The following ULK4 variants were observed in gnomAD, a reference collection of about 807,000 sequenced individuals.
ULK4 encodes inactive serine/threonine-protein kinase ULK4.
Under a neutral mutation model 160.6 loss-of-function variants are expected in ULK4, and 133 were observed. The observed-to-expected ratio is 0.83, with a 90% CI of 0.72 to 0.96. The LOEUF (loss-of-function observed/expected upper bound fraction) is 0.96. Ranked by LOEUF, ULK4 falls within the 40% of genes least tolerant of loss-of-function variation. The pLI is 0.00. For missense variants in ULK4, 1,580 were observed against 1,499.5 expected (o/e 1.05, Z -0.89); for synonymous variants, 534 against 539.8 (o/e 0.99, Z 0.15).
At chr3:41,609,014 C>T (rs1295336409) in intron 31 of ULK4, among the ~76,000 whole-genome samples, 1 of 152,146 alleles carries the variant, frequency 6.6e-6, no homozygotes, top group Non-Finnish European at 1.5e-5. Flanking sequence ...GTGAGCAGAA[C>T]ATAGAGCAGA....
chr3:41,574,696 C>T (rs1043858056), intron 31 of ULK4, among the ~76,000 whole-genome samples: 2 of 152,058 alleles, frequency 1.3e-5, no homozygotes, highest in African/African-American at 4.8e-5. Context: ...TGCCTGCCCA[C>T]CATGCCTGGC....
intron 17 of ULK4, among the ~76,000 whole-genome samples, chr3:41,841,457 G>A (rs534810892): frequency 3.3e-5 from 5 of 150,510 alleles, no homozygotes; most frequent in African/African-American, 1.2e-4. Flanking sequence ...CTGCCCGGCC[G>A]CCCCGTCTGG....
chr3:41,392,063 G>T (rs940725480), intron 35 of ULK4, among the ~76,000 whole-genome samples: 5 of 152,016 alleles, frequency 3.3e-5, no homozygotes, highest in African/African-American at 1.2e-4. Flanking sequence ...TTTGAGTGTT[G>T]GAGTAAGCTA....
At chr3:41,365,741 G>A (rs763278944) in intron 35 of ULK4, among the ~76,000 whole-genome samples, 44 of 151,940 alleles carry the variant, frequency 2.9e-4, no homozygotes, top group African/African-American at 6.0e-4. Context: ...TCACCATTAC[G>A]TTAAATGAGT....
At chr3:41,412,553 A>ATTTTTTTCTTTTTTTTTTTTTTTT (rs2082429333) in intron 34 of ULK4, among the ~76,000 whole-genome samples, 1 of 100,454 alleles carries the variant, frequency 1.0e-5, no homozygotes, top group African/African-American at 4.2e-5. Context: ...ATGCAGTTGA[A>ATTTTTTTCTTTTTTTTTTTTTTTT]TTTTTTTTTT....
At chr3:41,807,529 A>C (rs888579370) in intron 19 of ULK4, among the ~76,000 whole-genome samples, 3 of 152,286 alleles carry the variant, frequency 2.0e-5, no homozygotes, top group Admixed American at 2.0e-4. Context: ...CACTATTTTT[A>C]TCTCTTTGCC....
intron 32 of ULK4, among the ~76,000 whole-genome samples, chr3:41,555,233 A>G (rs181073593): frequency 2.6e-4 from 40 of 152,238 alleles, no homozygotes; most frequent in Middle Eastern, 6.8e-3. Flanking sequence ...ACTACTCAAT[A>G]AAAATGCAAA....
intron 21 of ULK4, among the ~76,000 whole-genome samples, chr3:41,758,714 A>C (rs554658312): frequency 6.6e-6 from 1 of 152,214 alleles, no homozygotes; most frequent in African/African-American, 2.4e-5. Flanking sequence ...TCTACCAAAA[A>C]TACAAAAAAT....
intron 20 of ULK4, among the ~76,000 whole-genome samples, chr3:41,791,357 T>C (rs1180709334): frequency 1.3e-5 from 2 of 152,198 alleles, no homozygotes; most frequent in Non-Finnish European, 2.9e-5. Flanking sequence ...CTCGAACTCC[T>C]GACCTCAGAT....
At chr3:41,393,032 A>C (rs2081988268) in intron 35 of ULK4, among the ~76,000 whole-genome samples, 1 of 152,172 alleles carries the variant, frequency 6.6e-6, no homozygotes, top group African/African-American at 2.4e-5. Context: ...TGTGTGGAGA[A>C]GACTGAAGCT....
At chr3:41,287,647 T>A (rs2079487311) in intron 35 of ULK4, among the ~76,000 whole-genome samples, 1 of 152,170 alleles carries the variant, frequency 6.6e-6, no homozygotes, top group African/African-American at 2.4e-5. Context: ...TCCGGGAGTT[T>A]GAGCACTCTT....
rs531936096 is a variant in ULK4 at position 41,584,396 on chromosome 3, A to AC, written c.3121-18267dup. On this transcript the variant is annotated intron_variant, in intron 31 of 36. Transcript: ENST00000301831. ...AACCTCCACCTCCCAAGCTCAAGTGACCCCCCTGCCTCAGCCTCCCAAGTA... is the reference window on the plus strand; with the variant it reads ...AACCTCCACCTCCCAAGCTCAAGTGACCCCCCCTGCCTCAGCCTCCCAAGTA... Among the ~76,000 whole-genome samples the AC allele has an allele frequency of 2.8e-3, 423 of 151,118 alleles. 4 individuals are homozygous for AC. Among genetic ancestry groups the AC allele is most frequent in the African/African-American group, 9.8e-3 (403 of 41,074 alleles).
At chr3:41,714,610 A>C (rs553660466) in intron 25 of ULK4, among the ~76,000 whole-genome samples, 1 of 152,222 alleles carries the variant, frequency 6.6e-6, no homozygotes, top group Non-Finnish European at 1.5e-5. Context: ...GAGCTAAACA[A>C]AAAGAATTTT....
At chr3:41,771,576 G>A (rs573831860) in intron 21 of ULK4, among the ~76,000 whole-genome samples, 5 of 152,146 alleles carry the variant, frequency 3.3e-5, no homozygotes, top group East Asian at 1.9e-4. Flanking sequence ...GAATATCTGT[G>A]AGATGTTACA....
chr3:41,886,564 T>C (rs1403904107), intron 16 of ULK4, among the ~76,000 whole-genome samples: 1 of 151,304 alleles, frequency 6.6e-6, no homozygotes, highest in Non-Finnish European at 1.5e-5. Flanking sequence ...ACAGAAGATA[T>C]AAAATGTGAA....
At chr3:41,465,843 G>GT (rs1225926245) in intron 32 of ULK4, among the ~76,000 whole-genome samples, 1 of 152,090 alleles carries the variant, frequency 6.6e-6, no homozygotes, top group Non-Finnish European at 1.5e-5. Context: ...TTGTTATTTT[G>GT]AAAAGGAAAA....
intron 22 of ULK4, among the ~76,000 whole-genome samples, chr3:41,749,353 T>C (rs1178010948): frequency 2.0e-5 from 3 of 152,042 alleles, no homozygotes; most frequent in Non-Finnish European, 4.4e-5. Context: ...CATGGCGGCA[T>C]GCACCTGTAA....
intron 35 of ULK4, among the ~76,000 whole-genome samples, chr3:41,313,208 TG>T: frequency 6.6e-6 from 1 of 152,288 alleles, no homozygotes; most frequent in Non-Finnish European, 1.5e-5. Flanking sequence ...TTAGTGGCAA[TG>T]TGTTTTTCCA....
intron 35 of ULK4, among the ~76,000 whole-genome samples, chr3:41,374,157 A>G (rs1400789925): frequency 6.6e-6 from 1 of 152,094 alleles, no homozygotes. Context: ...AGCATTCCAA[A>G]CAAAAAAAGC....
Sources: gnomAD v4.1 joint callset for allele counts (sites outside exome capture counted in the v4.1 genomes callset) on GRCh38, gnomAD v4.1.1 for gene constraint, MANE v1.5 for transcripts, NCBI Gene and HGNC (gene_info 2026-07-23, HGNC 2026-07-21) for gene names.